Variants in ASH1L observed in about 807,000 individuals in gnomAD.
ASH1L encodes the protein ASH1 like histone lysine methyltransferase.
In ASH1L, 23 loss-of-function variants were observed where a neutral mutation model predicts 269.0. The ratio of observed to expected loss-of-function variants is 0.09; its 90% CI spans 0.06 to 0.12. The LOEUF is 0.12. Among genes scored for constraint, ASH1L ranks in the 10% least tolerant of loss-of-function variants. The pLI is 1.00. For missense variants in ASH1L, 2,912 were observed against 3,567.8 expected (o/e 0.82, Z 4.68); for synonymous variants, 1,187 against 1,253.5 (o/e 0.95, Z 1.12).
intron 5 of ASH1L, among the ~76,000 whole-genome samples, chr1:155,424,242 A>G (rs1660951886): frequency 6.6e-6 from 1 of 152,170 alleles, no homozygotes; most frequent in African/African-American, 2.4e-5. Context: ...ACTTCAAGAG[A>G]TCACTTTGTA....
intron 25 of ASH1L, among the ~76,000 whole-genome samples, chr1:155,341,310 G>A (rs1652778838): frequency 6.6e-6 from 1 of 151,552 alleles, no homozygotes; most frequent in African/African-American, 2.4e-5. Flanking sequence ...CCGAGTAGCT[G>A]GGACCACAGG....
At chr1:155,468,032 T>TC (rs1406706061) in intron 3 of ASH1L, among the ~76,000 whole-genome samples, 2 of 152,078 alleles carry the variant, frequency 1.3e-5, no homozygotes, top group African/African-American at 2.4e-5. Context: ...TTCCAGACTT[T>TC]GTTTAGATTT....
intron 5 of ASH1L, among the ~76,000 whole-genome samples, chr1:155,422,303 ATTTTTTTTT>A (rs757564991): frequency 8.3e-6 from 1 of 120,926 alleles, no homozygotes; most frequent in Non-Finnish European, 1.7e-5. Flanking sequence ...CGCCCAGCTA[ATTTTTTTTT>A]TTTTTTTTTT....
intron 7 of ASH1L, 99 bp downstream of exon 7, chr1:155,395,360 G>T: frequency 2.3e-6 from 2 of 880,120 alleles, no homozygotes; most frequent in East Asian, 2.9e-5. Context: ...TGATCCCACT[G>T]GAGAAATAGA....
chr1:155,421,063 C>A (rs1433364079), intron 5 of ASH1L, among the ~76,000 whole-genome samples: 1 of 150,474 alleles, frequency 6.6e-6, no homozygotes, highest in Non-Finnish European at 1.5e-5. Flanking sequence ...ATAGTCAGAC[C>A]CCATCTTTGC....
chr1:155,387,004 A>G (rs1657493124), intron 7 of ASH1L, among the ~76,000 whole-genome samples: 1 of 148,326 alleles, frequency 6.7e-6, no homozygotes, highest in Admixed American at 6.7e-5. Flanking sequence ...TTTGAGACAG[A>G]GTTTTGCTGT....
chr1:155,392,533 G>T (rs1251649950), intron 7 of ASH1L, among the ~76,000 whole-genome samples: 1 of 152,048 alleles, frequency 6.6e-6, no homozygotes, highest in Non-Finnish European at 1.5e-5. Context: ...CTGTTGCCCA[G>T]GCTGGAGTAT....
rs78426017 is a variant in ASH1L, at chr1:155,548,641, T to G, written c.-100+13512A>C. 5.2e-4 allele frequency among the ~76,000 whole-genome samples: 79 copies of G among 152,334 alleles called. 1 individual carries two copies. The East Asian group carries it at 0.014, about 28-fold the overall frequency. ...AGCCAGGAAGGTGTTAGTCCTCAAA[T>G]TATCAAAAGATTCTCTTTTAGTTCT... On this transcript the variant is annotated intron_variant, in intron 1 of 27. Transcript: ENST00000392403.
chr1:155,401,289 C>A (rs1658826361), intron 6 of ASH1L, among the ~76,000 whole-genome samples: 1 of 151,962 alleles, frequency 6.6e-6, no homozygotes, highest in Non-Finnish European at 1.5e-5. Flanking sequence ...CCAGCCTGGC[C>A]AACATGGTGA....
At chr1:155,381,025 T>C (rs1656895322) in intron 7 of ASH1L, among the ~76,000 whole-genome samples, 1 of 152,034 alleles carries the variant, frequency 6.6e-6, no homozygotes, top group Non-Finnish European at 1.5e-5. Flanking sequence ...ACCCAGAAGG[T>C]AATAAGGGAG....
intron 1 of ASH1L, among the ~76,000 whole-genome samples, chr1:155,543,509 C>CAAAAAA (rs34813767): frequency 3.5e-5 from 2 of 57,448 alleles, no homozygotes; most frequent in African/African-American, 7.2e-5. Flanking sequence ...GACTCTGTCT[C>CAAAAAA]AAAAAAAAAA....
intron 21 of ASH1L, among the ~76,000 whole-genome samples, chr1:155,344,988 C>T (rs1412193682): frequency 1.3e-5 from 2 of 151,748 alleles, no homozygotes; most frequent in African/African-American, 2.4e-5. Flanking sequence ...AATGGAGTCT[C>T]GCTCTGTTGG....
chr1:155,397,325 T>C (rs538269873), intron 6 of ASH1L, among the ~76,000 whole-genome samples: 7,926 of 151,694 alleles, frequency 0.052, 697 homozygotes, highest in African/African-American at 0.18. Context: ...GATAAAACCC[T>C]GTCTCTACTA....
At chr1:155,450,149 C>T (rs973156942) in intron 4 of ASH1L, among the ~76,000 whole-genome samples, 3 of 152,130 alleles carry the variant, frequency 2.0e-5, no homozygotes, top group Admixed American at 6.5e-5. Flanking sequence ...ATAGTTGTTA[C>T]TGTGTTCCTC....
chr1:155,465,064 CAA>C (rs1248787301), intron 3 of ASH1L, among the ~76,000 whole-genome samples: 4 of 151,492 alleles, frequency 2.6e-5, no homozygotes, highest in African/African-American at 7.3e-5. Context: ...TAAAACAAAC[CAA>C]AGATATAAAA....
At chr1:155,436,485 C>T (rs1050947574) in intron 5 of ASH1L, among the ~76,000 whole-genome samples, 3 of 129,040 alleles carry the variant, frequency 2.3e-5, no homozygotes, top group East Asian at 2.9e-4. Flanking sequence ...AGCCACCATG[C>T]GTGGACTTTT....
chr1:155,433,158 G>A (rs778539605), intron 5 of ASH1L: 1 of 1,502,538 alleles, frequency 6.7e-7, no homozygotes, highest in South Asian at 1.2e-5. Flanking sequence ...CAGGCCCCCA[G>A]CTTGGGGCGC....
At chr1:155,517,592 G>A (rs1013171613) in intron 2 of ASH1L, among the ~76,000 whole-genome samples, 5 of 151,680 alleles carry the variant, frequency 3.3e-5, no homozygotes, top group Admixed American at 6.6e-5. Context: ...GTCTCAAGCC[G>A]AGATCATGCC....
intron 6 of ASH1L, among the ~76,000 whole-genome samples, chr1:155,407,702 T>C (rs183570789): frequency 1.3e-5 from 2 of 152,250 alleles, no homozygotes; most frequent in Admixed American, 6.5e-5. Flanking sequence ...TAAAATGTGG[T>C]ATACATATGC....
Sources: allele counts gnomAD v4.1 joint callset (sites outside exome capture counted in the v4.1 genomes callset), GRCh38; gene constraint gnomAD v4.1.1; transcripts MANE v1.5; gene names NCBI Gene and HGNC (gene_info 2026-07-23, HGNC 2026-07-21).